Variants in PLCXD2 observed in about 807,000 individuals in gnomAD.
The protein encoded by PLCXD2 is phosphatidylinositol specific phospholipase C X domain containing 2, also known as PI-PLC X domain-containing protein 2.
Under a neutral mutation model 28.6 loss-of-function variants are expected in PLCXD2, and 21 were observed. That is an observed-to-expected ratio of 0.73 (90% confidence interval 0.52 to 1.06). PLCXD2 has a LOEUF of 1.06. Among genes scored for constraint, PLCXD2 ranks in the 50% least tolerant of loss-of-function variants. PLCXD2 has a pLI of 0.00. For missense variants in PLCXD2, 369 were observed against 376.7 expected, an observed-to-expected ratio of 0.98 and a Z score of 0.17; for synonymous variants, 140 against 150.1, an observed-to-expected ratio of 0.93 and a Z score of 0.49.
intron 2 of PLCXD2, 46 bp downstream of exon 2, chr3:111,708,432 C>A (rs1490111284): frequency 3.9e-6 from 6 of 1,530,254 alleles, no homozygotes; most frequent in Admixed American, 3.6e-5. Flanking sequence ...GAATTTAACT[C>A]TTCCTGCTTT....
chr3:111,688,396 A>G (rs974407279), intron 1 of PLCXD2, among the ~76,000 whole-genome samples: 3 of 152,218 alleles, frequency 2.0e-5, no homozygotes, highest in African/African-American at 7.2e-5. Context: ...GAAATTTCCA[A>G]ATGTGGAGCT....
intron 1 of PLCXD2, among the ~76,000 whole-genome samples, chr3:111,705,919 G>A (rs1387168059): frequency 6.7e-6 from 1 of 149,652 alleles, no homozygotes; most frequent in African/African-American, 2.4e-5. Flanking sequence ...GTGGTACGAT[G>A]TTTGTCATTC....
chr3:111,689,082 A>G (rs1940838462), intron 1 of PLCXD2, among the ~76,000 whole-genome samples: 2 of 152,214 alleles, frequency 1.3e-5, no homozygotes, highest in Non-Finnish European at 1.5e-5. Context: ...TGATAAAGAA[A>G]CAAGCAAACT....
intron 3 of PLCXD2, chr3:111,722,560 G>A (rs1357833790): frequency 6.6e-6 from 1 of 152,232 alleles, no homozygotes; most frequent in African/African-American, 2.4e-5. Flanking sequence ...GCATGGAAAT[G>A]TGTGCACTTT....
At chr3:111,725,527 A>C (rs1372182803) in intron 3 of PLCXD2, 1 of 397,578 alleles carries the variant, frequency 2.5e-6, no homozygotes, top group South Asian at 1.4e-4. Flanking sequence ...TTCCTTCTAG[A>C]AACAAGGACT....
intron 3 of PLCXD2, chr3:111,722,889 G>A (rs1273838521): frequency 6.6e-6 from 1 of 152,178 alleles, no homozygotes; most frequent in African/African-American, 2.4e-5. Context: ...TAATAGAAAT[G>A]CCTCTGGGAA....
At chr3:111,714,460 A>C (rs1247053115) in intron 3 of PLCXD2, among the ~76,000 whole-genome samples, 3 of 152,188 alleles carry the variant, frequency 2.0e-5, no homozygotes, top group Admixed American at 6.5e-5. Context: ...CAGCTGACCC[A>C]GGCACTCATT....
At chr3:111,710,598 TAC>T (rs1341831550) in intron 2 of PLCXD2, among the ~76,000 whole-genome samples, 1 of 152,236 alleles carries the variant, frequency 6.6e-6, no homozygotes, top group African/African-American at 2.4e-5. Context: ...CCAGAGTTCT[TAC>T]AGCTTCTCAT....
intron 1 of PLCXD2, among the ~76,000 whole-genome samples, chr3:111,683,644 A>C (rs1011088800): frequency 6.6e-6 from 1 of 152,220 alleles, no homozygotes; most frequent in Non-Finnish European, 1.5e-5. Flanking sequence ...GTGATGATCA[A>C]TACAGACATG....
intron 1 of PLCXD2, among the ~76,000 whole-genome samples, chr3:111,678,538 T>A (rs1559789933): frequency 6.6e-6 from 1 of 152,198 alleles, no homozygotes; most frequent in African/African-American, 2.4e-5. Context: ...TTTCATTTTT[T>A]AAAAAACACT....
At chr3:111,678,816 G>C (rs189056117) in intron 1 of PLCXD2, among the ~76,000 whole-genome samples, 1 of 152,232 alleles carries the variant, frequency 6.6e-6, no homozygotes, top group Admixed American at 6.5e-5. Flanking sequence ...GTCCAATGTA[G>C]AAAGAGCTGG....
chr3:111,710,129 G>A (rs140653988), intron 2 of PLCXD2, among the ~76,000 whole-genome samples: 111 of 152,254 alleles, frequency 7.3e-4, no homozygotes, highest in Admixed American at 1.6e-3. Context: ...TTGTTTTTGC[G>A]CACCCTGAGA....
chr3:111,693,209 T>TA (rs1367249805), intron 1 of PLCXD2, among the ~76,000 whole-genome samples: 1 of 152,214 alleles, frequency 6.6e-6, no homozygotes, highest in Non-Finnish European at 1.5e-5. Context: ...TTGTGAGGCT[T>TA]ACCCCTGAGC....
At chr3:111,708,427 T>A in intron 2 of PLCXD2, 41 bp downstream of exon 2, 1 of 1,544,114 alleles carries the variant, frequency 6.5e-7, no homozygotes, top group Non-Finnish European at 8.9e-7. Context: ...AGCAAGAATT[T>A]AACTCTTCCT....
intron 1 of PLCXD2, among the ~76,000 whole-genome samples, chr3:111,703,784 C>CA (rs921495346): frequency 6.6e-6 from 1 of 152,162 alleles, no homozygotes; most frequent in Admixed American, 6.5e-5. Flanking sequence ...GCCTCGTTAA[C>CA]AGAGATAACC....
In PLCXD2 at chr3:111,690,727, C is replaced by T. The variant is rs78076957; in HGVS notation, c.163+15319C>T. Among the ~76,000 whole-genome samples, 1,350 of 152,246 alleles carry T rather than the reference C, an allele frequency of 8.9e-3. 20 individuals are homozygous for T. The highest frequency in any genetic ancestry group is 0.031 in the African/African-American group (1,274 of 41,542). The stretch of plus-strand genomic sequence containing the variant: ...CTCTGTCAGAACACCTAGCTTAGGC[C>T]TTTATTTACAGGAAAGAGAAAAAAA... On this transcript the variant is annotated intron_variant, in intron 1 of 4. Coordinates refer to ENST00000477665, the MANE Select transcript of PLCXD2 (RefSeq NM_001185106.1).
Position 111,695,368 on chromosome 3 carries a change from A to G in PLCXD2, c.164-12558A>G, listed in dbSNP as rs548574109. Among the ~76,000 whole-genome samples the G allele has an allele frequency of 6.6e-5, 10 of 152,302 alleles. No homozygotes were observed. The South Asian group carries it at 2.1e-3, about 32-fold the overall frequency. ...ATACATCCTGTAATTTTTCCTGTACATACATGCCTATGATAAAGTTTAATT... is the reference window on the plus strand; with the variant it reads ...ATACATCCTGTAATTTTTCCTGTACGTACATGCCTATGATAAAGTTTAATT... On this transcript the variant is annotated intron_variant, in intron 1 of 4. Transcript: ENST00000477665.
chr3:111,694,617 C>A (rs180964781), intron 1 of PLCXD2, among the ~76,000 whole-genome samples: 233 of 152,298 alleles, frequency 1.5e-3, no homozygotes, highest in Non-Finnish European at 2.7e-3. Flanking sequence ...TGTGGCCATG[C>A]CCCTCAACAT....
intron 3 of PLCXD2, among the ~76,000 whole-genome samples, chr3:111,714,999 G>C (rs1294947318): frequency 6.6e-6 from 1 of 152,168 alleles, no homozygotes; most frequent in Non-Finnish European, 1.5e-5. Flanking sequence ...GATAATGAAA[G>C]ATTCATCCAA....
Sources: allele counts gnomAD v4.1 joint callset (sites outside exome capture counted in the v4.1 genomes callset), GRCh38; gene constraint gnomAD v4.1.1; transcripts MANE v1.5; gene names NCBI Gene and HGNC (gene_info 2026-07-23, HGNC 2026-07-21).